FAT2: variants seen among roughly 807,000 people sequenced by gnomAD.
FAT2 encodes the protein FAT atypical cadherin 2, also known as protocadherin Fat 2.
FAT2 carries 150 observed loss-of-function variants against 295.3 expected under a neutral mutation model. The ratio of observed to expected loss-of-function variants is 0.51; its 90% CI spans 0.44 to 0.58. The LOEUF (loss-of-function observed/expected upper bound fraction) is 0.58. Among genes scored for constraint, FAT2 ranks in the 20% least tolerant of loss-of-function variants. FAT2 has a pLI of 0.00. For synonymous variants in FAT2, 2,026 were observed against 2,150.3 expected (o/e 0.94, Z 1.60); for missense variants, 4,868 against 5,442.7 (o/e 0.89, Z 3.32).
intron 13 of FAT2, among the ~76,000 whole-genome samples, chr5:151,533,101 T>C (rs1754830156): frequency 6.6e-6 from 1 of 152,112 alleles, no homozygotes; most frequent in Admixed American, 6.6e-5. Context: ...AGGAGCTATC[T>C]AGGAGATCTG....
intron 19 of FAT2, among the ~76,000 whole-genome samples, chr5:151,519,405 GT>G (rs1272393923): frequency 6.6e-6 from 1 of 152,182 alleles, no homozygotes; most frequent in African/African-American, 2.4e-5. Flanking sequence ...TTCCATTGTA[GT>G]AGGTACTTAT....
At chr5:151,585,589 G>T (rs1759136895) in intron 1 of FAT2, among the ~76,000 whole-genome samples, 1 of 152,174 alleles carries the variant, frequency 6.6e-6, no homozygotes, top group Non-Finnish European at 1.5e-5. Flanking sequence ...TCCAGCCTGG[G>T]CAACAGAGCA....
rs1561808556 is a variant in FAT2, at chr5:151,507,219, G to A, written c.12452C>T (p.Ala4151Val). ...VCSVPPRLPPAAVPSHSDNEP... is the reference protein window; with the variant it reads ...VCSVPPRLPPVAVPSHSDNEP... ...ATTGTCAGAGTGGGAAGGGACCGCA[G>A]CTGGCGGGAGTCTGGGGGGCACACT... The change falls in exon 23 of 24, where the codon GCT becomes GTT. Residue 4151 changes from alanine (A) to valine (V), a missense_variant. This residue lies in a region of FAT2 where 492 missense variants were observed against 482.6 expected (regional missense o/e 1.02). Transcript: ENST00000261800. 6.2e-6 allele frequency: 10 copies of A among 1,613,262 alleles called. No individual in the cohort carries two copies. Among genetic ancestry groups the A allele is most frequent in the Non-Finnish European group, 7.6e-6 (9 of 1,179,378 alleles).
chr5:151,557,036 T>TA (rs1719712993), intron 3 of FAT2, among the ~76,000 whole-genome samples: 1 of 152,090 alleles, frequency 6.6e-6, no homozygotes, highest in Non-Finnish European at 1.5e-5. Flanking sequence ...GCAGGGGTGA[T>TA]ACATCAAAAC....
Position 151,551,458 on chromosome 5 carries a change from G to T in FAT2, c.4296+9C>A, listed in dbSNP as rs377125611. ...CTCAATACAGGGGTCCCCAGCCGAG[G>T]CCTCTAACCTGTGTGGCAATGGTGC... On this transcript the variant is annotated intron_variant, in intron 7 of 23. Transcript: ENST00000261800. The T allele has an allele frequency of 6.2e-7, 1 of 1,613,446 alleles. No individual in the cohort carries two copies. The highest frequency in any genetic ancestry group is 8.5e-7 in the Non-Finnish European group (1 of 1,179,864).
intron 1 of FAT2, among the ~76,000 whole-genome samples, chr5:151,588,458 C>T (rs983213371): frequency 7.2e-5 from 11 of 152,230 alleles, no homozygotes; most frequent in Admixed American, 2.0e-4. Flanking sequence ...AACTGTCTGA[C>T]TCAGTGATCT....
chr5:151,516,717 AC>A (rs1752907990), intron 20 of FAT2, among the ~76,000 whole-genome samples: 1 of 152,228 alleles, frequency 6.6e-6, no homozygotes, highest in African/African-American at 2.4e-5. Flanking sequence ...AGACCCAAGC[AC>A]CTAGGACAGT....
At chr5:151,556,122 A>C in intron 4 of FAT2, 1 of 569,610 alleles carries the variant, frequency 1.8e-6, no homozygotes, top group Non-Finnish European at 3.2e-6. Flanking sequence ...TCACTAATCA[A>C]TCAATGGTGC....
rs888013328 is a variant in FAT2 at position 151,545,472 on chromosome 5, G to T, written c.5655C>A (p.Ile1885=). 1.9e-6 allele frequency: 3 copies of T among 1,614,090 alleles called. No individual in the cohort carries two copies. Among genetic ancestry groups the T allele is most frequent in the African/African-American group, 2.7e-5 (2 of 74,920 alleles). The change falls in exon 10 of 24, where the codon ATC becomes ATA. Residue 1885 remains isoleucine (I), a synonymous_variant. Transcript: ENST00000261800. ...QIYEVAIVGP[I]HPGMELLMVR... Reference sequence around the variant, plus strand: ...CCATGAGAAGCTCCATGCCTGGATGGATAGGCCCGACTATTGCTACCTCAT... The same window carrying T: ...CCATGAGAAGCTCCATGCCTGGATGTATAGGCCCGACTATTGCTACCTCAT...
At chr5:151,519,342 T>TCAAAAA (rs1239493443) in intron 19 of FAT2, among the ~76,000 whole-genome samples, 1 of 152,150 alleles carries the variant, frequency 6.6e-6, no homozygotes, top group Non-Finnish European at 1.5e-5. Context: ...AGACTTCATC[T>TCAAAAA]CAAAAACAAA....
chr5:151,582,389 G>T (rs1758994762), intron 1 of FAT2, among the ~76,000 whole-genome samples: 1 of 152,202 alleles, frequency 6.6e-6, no homozygotes, highest in African/African-American at 2.4e-5. Context: ...GCTGGCCGGT[G>T]GATTGAACTG....
intron 19 of FAT2, among the ~76,000 whole-genome samples, chr5:151,520,465 G>A (rs1753330001): frequency 6.6e-6 from 1 of 151,516 alleles, no homozygotes; most frequent in African/African-American, 2.4e-5. Context: ...GCTTGGTAGG[G>A]CTGTGGTGCC....
intron 11 of FAT2, among the ~76,000 whole-genome samples, chr5:151,539,005 C>T (rs1316469344): frequency 6.6e-6 from 1 of 152,050 alleles, no homozygotes; most frequent in Non-Finnish European, 1.5e-5. Flanking sequence ...TTCCCCAGGC[C>T]TCTTTTTTCT....
intron 1 of FAT2, among the ~76,000 whole-genome samples, chr5:151,581,268 C>T (rs1237867259): frequency 3.9e-5 from 6 of 152,164 alleles, no homozygotes; most frequent in Admixed American, 1.3e-4. Flanking sequence ...GGGCATAAAG[C>T]GGTGGGCACA....
chr5:151,544,361 C>G lies in FAT2; in HGVS notation c.6766G>C (p.Ala2256Pro). The change falls in exon 10 of 24, where the codon GCC becomes CCC. Residue 2256 changes from alanine to proline, a missense_variant. Transcript: ENST00000261800. ...TCCTCCACTAGGACTTCCACTGTGG[C>G]TTCAGAAAATGACCCCAGAGCTGTA... ...TDTALGSFSEATVEVLVEDVN... is the reference protein window; with the variant it reads ...TDTALGSFSEPTVEVLVEDVN... 1 of 1,614,186 alleles carries G rather than the reference C, an allele frequency of 6.2e-7. No homozygotes were observed. The highest frequency in any genetic ancestry group is 8.5e-7 in the Non-Finnish European group (1 of 1,180,040).
rs1760758884 is a variant in FAT2 at position 151,505,409 on chromosome 5, G to C, written c.*156C>G. On this transcript the variant is annotated 3_prime_UTR_variant, in exon 24 of 24. Transcript: ENST00000261800. Reference sequence around the variant, plus strand: ...TCCCTCCACCCTCAGGGACTAGGTGGGGGATTGGAAGAGCACATTTCAAGG... The same window carrying C: ...TCCCTCCACCCTCAGGGACTAGGTGCGGGATTGGAAGAGCACATTTCAAGG... The C allele has an allele frequency of 1.2e-6, 1 of 849,228 alleles. No homozygotes were observed. The highest frequency in any genetic ancestry group is 1.7e-5 in the South Asian group (1 of 57,346). The allele number at this position is 849,228 out of a possible 1,614,324, so 52.6% of individuals were successfully genotyped here. A position where few individuals can be genotyped will look rare whatever the true frequency, so the allele number is the denominator to read the frequency against.
At chr5:151,509,646 G>T in intron 22 of FAT2, 1 of 211,584 alleles carries the variant, frequency 4.7e-6, no homozygotes, top group Non-Finnish European at 9.5e-6. Flanking sequence ...ACCTCCAGAT[G>T]GGACTGTCTA....
intron 13 of FAT2, 128 bp from the exon 14 acceptor site, chr5:151,532,098 A>G (rs1182463799): frequency 4.0e-6 from 5 of 1,235,198 alleles, no homozygotes; most frequent in African/African-American, 3.0e-5. Context: ...TGGCTTGGGT[A>G]TATGAAGAGT....
At chr5:151,552,613 C>CGTT (rs1241549806) in intron 6 of FAT2, among the ~76,000 whole-genome samples, 1 of 152,172 alleles carries the variant, frequency 6.6e-6, no homozygotes, top group Non-Finnish European at 1.5e-5. Context: ...AGGACCTAAG[C>CGTT]GTTCGTCAGA....
Sources: gnomAD v4.1 joint callset for allele counts (sites outside exome capture counted in the v4.1 genomes callset) on GRCh38, gnomAD v4.1.1 for gene constraint, gnomAD v4.1.1 regional missense constraint, MANE v1.5 for transcripts, NCBI Gene and HGNC (gene_info 2026-07-23, HGNC 2026-07-21) for gene names.